The following CDH23 variants were observed in gnomAD, a reference collection of about 807,000 sequenced individuals.
CDH23 encodes cadherin related 23, also known as cadherin-23.
Under a neutral mutation model 317.1 loss-of-function variants are expected in CDH23, and 189 were observed. That is an observed-to-expected ratio of 0.60 (90% CI 0.53 to 0.67). The LOEUF (loss-of-function observed/expected upper bound fraction) is 0.67, where lower values mean the gene tolerates loss of function less well. Among genes scored for constraint, CDH23 ranks in the 30% least tolerant of loss-of-function variants. The pLI, the probability that CDH23 is intolerant of heterozygous loss-of-function variation, is 0.00. For synonymous variants in CDH23, 1,839 were observed against 1,876.8 expected, an observed-to-expected ratio of 0.98 and a Z score of 0.52; for missense variants, 4,401 against 4,592.4, an observed-to-expected ratio of 0.96 and a Z score of 1.20.
At chr10:71,698,366 C>T (rs758724631) in intron 22 of CDH23, among the ~76,000 whole-genome samples, 1 of 152,176 alleles carries the variant, frequency 6.6e-6, no homozygotes, top group African/African-American at 2.4e-5. Flanking sequence ...CTCACAGTGC[C>T]CCAGGTTGAG....
chr10:71,777,949 G>C (rs746301459), intron 39 of CDH23, 48 bp downstream of exon 39: 1 of 1,593,068 alleles, frequency 6.3e-7, no homozygotes, highest in Non-Finnish European at 8.6e-7. Flanking sequence ...ACCTATCCAG[G>C]GATTGGCAAG....
Position 71,809,885 on chromosome 10 carries a change from G to A in CDH23, c.8788G>A (p.Val2930Met), listed in dbSNP as rs1841865238. 2 of 1,613,398 alleles carry A rather than the reference G, an allele frequency of 1.2e-6. No homozygotes were observed. Among genetic ancestry groups the A allele is most frequent in the East Asian group, 4.5e-5 (2 of 44,882 alleles). ...GGCCTACAGCCCCGGCTACTTCGTG[G>A]TGGACATTGTGGCCCGAGACCTGGC... is the stretch of plus-strand genomic sequence containing the variant. ...FMAYSPGYFV[V>M]DIVARDLAGH... The change falls in exon 61 of 70, where the codon GTG becomes ATG. Residue 2930 changes from valine to methionine, a missense_variant. Around this residue, in one of 3 missense-constraint regions of CDH23, gnomAD observed 1,144 missense variants for 1,138.2 expected, o/e 1.01. Coordinates refer to ENST00000224721, the MANE Select transcript of CDH23 (RefSeq NM_022124.6).
At chr10:71,508,528 T>G (rs1276110359) in intron 3 of CDH23, among the ~76,000 whole-genome samples, 3 of 152,204 alleles carry the variant, frequency 2.0e-5, no homozygotes, top group Non-Finnish European at 4.4e-5. Flanking sequence ...GGCTTATGAT[T>G]AGGGCTCAGA....
intron 11 of CDH23, among the ~76,000 whole-genome samples, chr10:71,627,666 C>T (rs867910094): frequency 2.2e-4 from 34 of 152,298 alleles, no homozygotes; most frequent in Admixed American, 6.5e-4. Context: ...AGCCTGGAGT[C>T]CCGTCTAACA....
chr10:71,646,428 G>C, intron 13 of CDH23, 31 bp from the exon 14 acceptor site: 3 of 1,609,168 alleles, frequency 1.9e-6, no homozygotes, highest in Admixed American at 3.3e-5. Flanking sequence ...ACATGTGGGA[G>C]CTTACCTGGG....
intron 6 of CDH23, among the ~76,000 whole-genome samples, chr10:71,553,062 G>A (rs1276463462): frequency 6.6e-6 from 1 of 152,216 alleles, no homozygotes. Flanking sequence ...GGCTGTACAT[G>A]AGAACTTGAT....
intron 3 of CDH23, among the ~76,000 whole-genome samples, chr10:71,455,213 G>A (rs577579263): frequency 6.6e-6 from 1 of 152,230 alleles, no homozygotes; most frequent in African/African-American, 2.4e-5. Context: ...ATTGTACAGA[G>A]TTCCCATATA....
intron 3 of CDH23, among the ~76,000 whole-genome samples, chr10:71,498,785 G>C (rs574756790): frequency 1.1e-4 from 16 of 152,324 alleles, no homozygotes; most frequent in African/African-American, 2.9e-4. Context: ...AGCAAATGAT[G>C]GTCCTTATTT....
At chr10:71,517,011 C>A (rs1013292950) in intron 6 of CDH23, among the ~76,000 whole-genome samples, 1 of 152,208 alleles carries the variant, frequency 6.6e-6, no homozygotes, top group African/African-American at 2.4e-5. Flanking sequence ...TGTGCATCCT[C>A]AGCACCCTGC....
intron 17 of CDH23, among the ~76,000 whole-genome samples, chr10:71,682,118 C>T (rs1411336483): frequency 6.6e-6 from 1 of 152,202 alleles, no homozygotes; most frequent in African/African-American, 2.4e-5. Flanking sequence ...CTGGATTCAG[C>T]CAAACCTAGG....
chr10:71,406,193 A>G (rs1848090327), intron 1 of CDH23, among the ~76,000 whole-genome samples: 1 of 152,016 alleles, frequency 6.6e-6, no homozygotes, highest in Non-Finnish European at 1.5e-5. Context: ...TAAGTATTAA[A>G]TTCATCTTTC....
At chr10:71,810,765 C>T (rs1158691431) in intron 62 of CDH23, among the ~76,000 whole-genome samples, 196 bp downstream of exon 62, 1 of 152,104 alleles carries the variant, frequency 6.6e-6, no homozygotes, top group Non-Finnish European at 1.5e-5. Flanking sequence ...CCCTCTGAGC[C>T]TCCCTCTCCC....
chr10:71,774,191 C>CA (rs1048039274), intron 38 of CDH23, among the ~76,000 whole-genome samples: 4 of 152,130 alleles, frequency 2.6e-5, no homozygotes, highest in African/African-American at 9.7e-5. Context: ...GCACATCCTG[C>CA]AAGCTCCCCT....
rs777976243 is a variant in CDH23, at chr10:71,690,452, C to A, written c.2060-16C>A. The A allele has an allele frequency of 2.5e-6, 4 of 1,575,196 alleles. No homozygotes were observed. Among genetic ancestry groups the A allele is most frequent in the South Asian group, 2.3e-5 (2 of 85,892 alleles). On this transcript the variant is annotated splice_polypyrimidine_tract_variant and intron_variant, in intron 19 of 69. Coordinates refer to ENST00000224721, the MANE Select transcript of CDH23 (RefSeq NM_022124.6). ...GGTGAGCAGCACCCCCTGCCCCCAC[C>A]TTTTTCCCCCTGAAGGAGCCACGGT...
At chr10:71,567,465 G>A (rs1003139690) in intron 7 of CDH23, among the ~76,000 whole-genome samples, 2 of 152,244 alleles carry the variant, frequency 1.3e-5, no homozygotes. Flanking sequence ...CACATTGCTG[G>A]CCCCTGGGAA....
At chr10:71,800,779 G>A in intron 53 of CDH23, 24 bp downstream of exon 53, 2 of 1,611,158 alleles carry the variant, frequency 1.2e-6, no homozygotes, top group Non-Finnish European at 1.7e-6. Context: ...ACCTGGGCCA[G>A]GGATGACAGG....
intron 9 of CDH23, among the ~76,000 whole-genome samples, chr10:71,608,759 A>G (rs1860680478): frequency 6.6e-6 from 1 of 152,232 alleles, no homozygotes; most frequent in Non-Finnish European, 1.5e-5. Context: ...CCAGCACTCA[A>G]GGGCTCAGAG....
At position 71,812,800 on chromosome 10, in the gene CDH23, G is replaced by A. The variant is rs1055842703; in HGVS notation, c.9543G>A (p.Lys3181=). ...GTFGREPAAV[K]PDDDRYLRAA... ...TTGGGCGTGAGCCAGCAGCTGTCAAGCCTGATGATGACCGATACCTGCGGG... is the reference window on the plus strand; with the variant it reads ...TTGGGCGTGAGCCAGCAGCTGTCAAACCTGATGATGACCGATACCTGCGGG... The change falls in exon 68 of 70, where the codon AAG becomes AAA. Residue 3181 remains lysine, a synonymous_variant. Coordinates refer to ENST00000224721, the MANE Select transcript of CDH23 (RefSeq NM_022124.6). The A allele has an allele frequency of 6.2e-7, 1 of 1,613,418 alleles. No individual in the cohort carries two copies. The highest frequency in any genetic ancestry group is 8.5e-7 in the Non-Finnish European group (1 of 1,179,614).
intron 57 of CDH23, among the ~76,000 whole-genome samples, chr10:71,806,547 T>C (rs1040935043): frequency 9.4e-5 from 14 of 148,734 alleles, no homozygotes; most frequent in African/African-American, 2.7e-4. Flanking sequence ...CACACACACA[T>C]ACACACACAC....
Sources: allele counts gnomAD v4.1 joint callset (sites outside exome capture counted in the v4.1 genomes callset), GRCh38; gene constraint gnomAD v4.1.1; regional missense constraint gnomAD v4.1.1; transcripts MANE v1.5; gene names NCBI Gene and HGNC (gene_info 2026-07-23, HGNC 2026-07-21).